Variants in NFIA observed in about 807,000 individuals in gnomAD.
NFIA encodes the protein nuclear factor 1 A-type.
NFIA carries 8 observed loss-of-function variants against 62.8 expected under a neutral mutation model. The ratio of observed to expected loss-of-function variants is 0.13; its 90% CI spans 0.07 to 0.23. The LOEUF (loss-of-function observed/expected upper bound fraction) is 0.23. Ranked by LOEUF, NFIA falls within the 10% of genes least tolerant of loss-of-function variation. The pLI, the probability that NFIA is intolerant of heterozygous loss-of-function variation, is 1.00. For synonymous variants in NFIA, 235 were observed against 238.1 expected, an observed-to-expected ratio of 0.99 and a Z score of 0.12; for missense variants, 410 against 642.1, an observed-to-expected ratio of 0.64 and a Z score of 3.91.
intron 1 of NFIA, among the ~76,000 whole-genome samples, chr1:61,084,724 A>G (rs1424212503): frequency 6.6e-6 from 1 of 152,196 alleles, no homozygotes; most frequent in Admixed American, 6.5e-5. Flanking sequence ...CTCTGAAAAG[A>G]TAAATTTATA....
intron 7 of NFIA, among the ~76,000 whole-genome samples, chr1:61,384,977 A>C (rs543300724): frequency 6.6e-6 from 1 of 152,306 alleles, no homozygotes; most frequent in East Asian, 1.9e-4. Context: ...CACGCCTGTA[A>C]TCCTAGCACT....
chr1:61,262,360 A>G (rs760897819), intron 2 of NFIA, among the ~76,000 whole-genome samples: 5 of 152,186 alleles, frequency 3.3e-5, no homozygotes, highest in Non-Finnish European at 7.3e-5. Context: ...TACTGGTGAG[A>G]TGTTACTTTC....
At chr1:61,206,481 A>G (rs1232175664) in intron 2 of NFIA, among the ~76,000 whole-genome samples, 2 of 152,204 alleles carry the variant, frequency 1.3e-5, no homozygotes, top group South Asian at 2.1e-4. Flanking sequence ...TTGAACTTCC[A>G]TGGGCTTTAG....
At chr1:61,251,674 CT>C (rs1378372636) in intron 2 of NFIA, among the ~76,000 whole-genome samples, 2 of 152,120 alleles carry the variant, frequency 1.3e-5, no homozygotes, top group African/African-American at 4.8e-5. Flanking sequence ...AAAATTATGA[CT>C]GTTATGTGAT....
At chr1:61,380,588 A>G (rs1043156773) in intron 6 of NFIA, among the ~76,000 whole-genome samples, 4 of 152,226 alleles carry the variant, frequency 2.6e-5, no homozygotes, top group Non-Finnish European at 5.9e-5. Flanking sequence ...TCATCTGGTC[A>G]ATTAAATATA....
At chr1:61,332,404 A>C in intron 3 of NFIA, 108 bp from the exon 4 acceptor site, 2 of 994,458 alleles carry the variant, frequency 2.0e-6, no homozygotes, top group Non-Finnish European at 3.1e-6. Flanking sequence ...GCAGAGAATG[A>C]GATTAGGCAC....
intron 2 of NFIA, among the ~76,000 whole-genome samples, chr1:61,134,768 T>C (rs1332523891): frequency 1.3e-5 from 2 of 152,154 alleles, no homozygotes; most frequent in East Asian, 3.9e-4. Flanking sequence ...GGTGGGAGGA[T>C]TGTTTGAGTC....
At chr1:61,398,990 G>A (rs895929816) in intron 7 of NFIA, among the ~76,000 whole-genome samples, 1 of 152,056 alleles carries the variant, frequency 6.6e-6, no homozygotes, top group Non-Finnish European at 1.5e-5. Flanking sequence ...TTTTTTAAGT[G>A]GGATTTTTTT....
intron 2 of NFIA, among the ~76,000 whole-genome samples, chr1:61,235,503 T>TAAATAAAA (rs1170393926): frequency 4.5e-4 from 62 of 136,714 alleles, no homozygotes; most frequent in East Asian, 2.7e-3. Flanking sequence ...AATAAATAAA[T>TAAATAAAA]AAAAATAAAA....
intron 2 of NFIA, chr1:61,132,950 C>G (rs1647107126): frequency 6.6e-6 from 1 of 152,094 alleles, no homozygotes; most frequent in South Asian, 2.1e-4. Flanking sequence ...ACACTGCCCC[C>G]CCCACCCAGG....
intron 2 of NFIA, among the ~76,000 whole-genome samples, chr1:61,097,193 A>T (rs1646431364): frequency 6.6e-6 from 1 of 152,150 alleles, no homozygotes; most frequent in African/African-American, 2.4e-5. Context: ...TGTCAACTGT[A>T]TCTAGTTCCA....
chr1:61,323,297 C>T (rs924620178), intron 3 of NFIA, among the ~76,000 whole-genome samples: 6 of 152,158 alleles, frequency 3.9e-5, no homozygotes, highest in African/African-American at 1.4e-4. Context: ...AGCTGACAAA[C>T]ATTTCTGCAT....
intron 2 of NFIA, among the ~76,000 whole-genome samples, chr1:61,177,109 C>CA (rs1260368221): frequency 1.1e-3 from 148 of 136,940 alleles, no homozygotes; most frequent in African/African-American, 2.2e-3. Flanking sequence ...CTGTCTCAAC[C>CA]AAAAAAAAAA....
intron 9 of NFIA, among the ~76,000 whole-genome samples, chr1:61,420,341 CA>C (rs1666548780): frequency 6.7e-6 from 1 of 149,924 alleles, no homozygotes; most frequent in South Asian, 2.1e-4. Flanking sequence ...ACAGTTTCTG[CA>C]TTATTTTTAG....
chr1:61,278,306 G>C (rs1192684255), intron 3 of NFIA, among the ~76,000 whole-genome samples: 2 of 152,064 alleles, frequency 1.3e-5, no homozygotes, highest in African/African-American at 2.4e-5. Context: ...TAAAACTATC[G>C]GTTTCAATAA....
At chr1:61,366,048 G>T (rs1035053260) in intron 6 of NFIA, among the ~76,000 whole-genome samples, 9 of 152,124 alleles carry the variant, frequency 5.9e-5, no homozygotes, top group African/African-American at 2.2e-4. Flanking sequence ...AGTCTCACTT[G>T]AAAGTGAGAC....
chr1:61,203,206 A>G (rs1652629780), intron 2 of NFIA, among the ~76,000 whole-genome samples: 1 of 152,184 alleles, frequency 6.6e-6, no homozygotes, highest in South Asian at 2.1e-4. Context: ...GCCACATGTT[A>G]AAGCCTGCCC....
intron 2 of NFIA, among the ~76,000 whole-genome samples, chr1:61,111,142 G>A (rs1270668171): frequency 2.6e-5 from 4 of 152,074 alleles, no homozygotes; most frequent in Non-Finnish European, 5.9e-5. Context: ...AGTCCCTGAA[G>A]AACAAAGGCC....
intron 4 of NFIA, among the ~76,000 whole-genome samples, chr1:61,347,197 G>T (rs1662279031): frequency 1.9e-5 from 2 of 103,598 alleles, no homozygotes; most frequent in Admixed American, 2.7e-4. Flanking sequence ...TTTTTGAGAT[G>T]GAGTCTTGCT....
Sources: allele counts gnomAD v4.1 joint callset (sites outside exome capture counted in the v4.1 genomes callset), GRCh38; gene constraint gnomAD v4.1.1; transcripts MANE v1.5; gene names NCBI Gene and HGNC (gene_info 2026-07-23, HGNC 2026-07-21).